The following SESTD1 variants were observed in gnomAD, a reference collection of about 807,000 sequenced individuals.
SESTD1 encodes SEC14 domain and spectrin repeat-containing protein 1.
In SESTD1, 43 loss-of-function variants were observed where a neutral mutation model predicts 101.7. The observed-to-expected ratio is 0.42, with a 90% CI of 0.33 to 0.55. SESTD1 has a LOEUF of 0.55. Among genes scored for constraint, SESTD1 ranks in the 20% least tolerant of loss-of-function variants. The pLI, the probability that SESTD1 is intolerant of heterozygous loss-of-function variation, is 0.07. For missense variants in SESTD1, 647 were observed against 815.1 expected, an observed-to-expected ratio of 0.79 and a Z score of 2.51; for synonymous variants, 283 against 286.8, an observed-to-expected ratio of 0.99 and a Z score of 0.13.
rs139697518 is a variant in SESTD1, at chr2:179,217,991, G to C, written c.-25-26125C>G. On this transcript the variant is annotated intron_variant, in intron 1 of 17. Transcript: ENST00000428443. The stretch of plus-strand genomic sequence containing the variant: ...ACTGGGGCCTGTTGGGGGTTGCGGG[G>C]CTGGGGGAGGGATGGCATTAGGAGA... 5.1e-3 allele frequency among the ~76,000 whole-genome samples: 775 copies of C among 151,822 alleles called. 2 individuals are homozygous for C. The highest frequency in any genetic ancestry group is 0.018 in the African/African-American group (744 of 41,356).
intron 3 of SESTD1, among the ~76,000 whole-genome samples, chr2:179,177,412 CT>C (rs1204929589): frequency 6.6e-6 from 1 of 152,124 alleles, no homozygotes; most frequent in Non-Finnish European, 1.5e-5. Flanking sequence ...GTAGTGAAAC[CT>C]GTCCCCATCC....
intron 15 of SESTD1, among the ~76,000 whole-genome samples, chr2:179,115,604 TG>T (rs1305101006): frequency 2.6e-5 from 4 of 151,846 alleles, no homozygotes; most frequent in Admixed American, 2.6e-4. Context: ...AAAAATTAGT[TG>T]AGTTTGGCCA....
rs954741417 is a variant in SESTD1 at position 179,101,940 on chromosome 2, A to G, written c.*7959T>C. 2 of 152,192 alleles carry G rather than the reference A, an allele frequency of 1.3e-5. No individual in the cohort carries two copies. Among genetic ancestry groups the G allele is most frequent in the African/African-American group, 2.4e-5 (1 of 41,460 alleles). 9.4% of individuals were successfully genotyped at this position (152,192 alleles called of 1,614,324 possible). A position where few individuals can be genotyped will look rare whatever the true frequency, so the allele number is the denominator to read the frequency against. ...ATTGGACAAGGTATAAGGCTTGCCA[A>G]TTTCCAAAGTCTGGCAGTCCAAAAT... On this transcript the variant is annotated 3_prime_UTR_variant, in exon 18 of 18. Transcript: ENST00000428443.
chr2:179,227,603 C>A (rs13029239), intron 1 of SESTD1, among the ~76,000 whole-genome samples: 1 of 152,114 alleles, frequency 6.6e-6, no homozygotes, highest in Admixed American at 6.6e-5. Flanking sequence ...TTTAAAAATA[C>A]GGAACTATGA....
intron 1 of SESTD1, among the ~76,000 whole-genome samples, chr2:179,198,270 A>T (rs1278757641): frequency 6.6e-6 from 1 of 152,194 alleles, no homozygotes; most frequent in Non-Finnish European, 1.5e-5. Flanking sequence ...CTAAATATAT[A>T]TGCACCCAAT....
At chr2:179,176,913 T>C (rs916549760) in intron 3 of SESTD1, among the ~76,000 whole-genome samples, 10 of 152,262 alleles carry the variant, frequency 6.6e-5, no homozygotes, top group African/African-American at 2.4e-4. Context: ...AAATGTGTTA[T>C]ATATTTCTTG....
chr2:179,131,729 TAAC>T (rs2045018445), intron 10 of SESTD1, among the ~76,000 whole-genome samples: 1 of 152,206 alleles, frequency 6.6e-6, no homozygotes, highest in Admixed American at 6.5e-5. Flanking sequence ...AAATTATCTT[TAAC>T]AATTATTATC....
intron 9 of SESTD1, among the ~76,000 whole-genome samples, chr2:179,137,655 C>T (rs916066548): frequency 6.6e-6 from 1 of 152,202 alleles, no homozygotes; most frequent in African/African-American, 2.4e-5. Flanking sequence ...TATGGAGAAT[C>T]TCTGCATACC....
At chr2:179,150,182 G>T (rs890028468) in intron 6 of SESTD1, among the ~76,000 whole-genome samples, 4 of 152,290 alleles carry the variant, frequency 2.6e-5, no homozygotes, top group South Asian at 4.1e-4. Context: ...TGGTGATCAT[G>T]CCACTGCATT....
intron 3 of SESTD1, among the ~76,000 whole-genome samples, chr2:179,177,194 TAACTA>T (rs1230600594): frequency 6.6e-6 from 1 of 152,176 alleles, no homozygotes; most frequent in African/African-American, 2.4e-5. Flanking sequence ...ATTTAACTAT[TAACTA>T]AACACTTCCC....
intron 7 of SESTD1, among the ~76,000 whole-genome samples, chr2:179,146,904 G>T (rs1019229461): frequency 6.9e-6 from 1 of 145,418 alleles, no homozygotes; most frequent in Non-Finnish European, 1.5e-5. Context: ...ATATTCCAGG[G>T]GTGTGTGTGT....
chr2:179,261,332 T>A (rs2047480306), intron 1 of SESTD1, among the ~76,000 whole-genome samples: 7 of 152,196 alleles, frequency 4.6e-5, no homozygotes, highest in Non-Finnish European at 1.5e-5. Flanking sequence ...CAAACACAAT[T>A]TAATTTCTGT....
intron 5 of SESTD1, chr2:179,162,604 G>C (rs1056996888): frequency 6.6e-6 from 1 of 151,982 alleles, no homozygotes; most frequent in Non-Finnish European, 1.5e-5. Context: ...TGCAGTGGTG[G>C]GTTTGTATCT....
At chr2:179,170,769 C>T (rs79619686) in intron 5 of SESTD1, among the ~76,000 whole-genome samples, 1,533 of 152,220 alleles carry the variant, frequency 0.01, 23 homozygotes, top group African/African-American at 0.032. Context: ...AGGCTGGAGA[C>T]TGAGTTAGTT....
intron 10 of SESTD1, among the ~76,000 whole-genome samples, chr2:179,129,646 G>A (rs1442264655): frequency 6.6e-6 from 1 of 152,196 alleles, no homozygotes; most frequent in Non-Finnish European, 1.5e-5. Flanking sequence ...ACCGTTAACA[G>A]CTGTCAATGC....
intron 17 of SESTD1, 122 bp downstream of exon 17, chr2:179,112,602 G>T: frequency 1.7e-6 from 2 of 1,167,818 alleles, no homozygotes; most frequent in Non-Finnish European, 2.3e-6. Flanking sequence ...TTCATCGTAG[G>T]AGTTAAAGAT....
chr2:179,191,725 AAAG>A (rs1559137262), intron 2 of SESTD1, 59 bp downstream of exon 2: 4 of 1,373,598 alleles, frequency 2.9e-6, no homozygotes, highest in South Asian at 1.3e-5. Flanking sequence ...CATACTTAAC[AAAG>A]AAGAAACTAT....
At chr2:179,232,042 CCT>C (rs1249400079) in intron 1 of SESTD1, among the ~76,000 whole-genome samples, 6 of 151,788 alleles carry the variant, frequency 4.0e-5, no homozygotes, top group African/African-American at 1.5e-4. Context: ...AACTACATAC[CCT>C]GATAATAAAA....
intron 1 of SESTD1, among the ~76,000 whole-genome samples, chr2:179,196,025 T>A (rs1351829034): frequency 6.6e-6 from 1 of 152,168 alleles, no homozygotes; most frequent in Non-Finnish European, 1.5e-5. Context: ...GGGTGATTTC[T>A]GCATTTCCAT....
Sources: allele counts gnomAD v4.1 joint callset (sites outside exome capture counted in the v4.1 genomes callset), GRCh38; gene constraint gnomAD v4.1.1; transcripts MANE v1.5; gene names NCBI Gene and HGNC (gene_info 2026-07-23, HGNC 2026-07-21).